NCKAP5: variants seen among roughly 807,000 people sequenced by gnomAD.
NCKAP5 encodes nck-associated protein 5.
NCKAP5 carries 92 observed loss-of-function variants against 167.0 expected under a neutral mutation model. The observed-to-expected ratio is 0.55, with a 90% CI of 0.47 to 0.66. The LOEUF (loss-of-function observed/expected upper bound fraction) is 0.66, where lower values mean the gene tolerates loss of function less well. NCKAP5 is among the 30% of genes least tolerant of loss of function. NCKAP5 has a pLI of 0.00. For synonymous variants in NCKAP5, 891 were observed against 877.4 expected (o/e 1.02, Z -0.27); for missense variants, 2,378 against 2,315.0 (o/e 1.03, Z -0.56).
intron 3 of NCKAP5, among the ~76,000 whole-genome samples, chr2:133,485,650 C>T (rs1337742846): frequency 6.6e-6 from 1 of 152,116 alleles, no homozygotes; most frequent in Non-Finnish European, 1.5e-5. Context: ...ACAAAATGAA[C>T]TATTAACTCA....
intron 6 of NCKAP5, among the ~76,000 whole-genome samples, chr2:133,119,267 G>A (rs1342994278): frequency 6.6e-6 from 1 of 152,170 alleles, no homozygotes; most frequent in Admixed American, 6.5e-5. Flanking sequence ...GCCTCCCAAA[G>A]TGCTGGGATT....
intron 3 of NCKAP5, among the ~76,000 whole-genome samples, chr2:133,337,836 C>A (rs1683315355): frequency 6.6e-6 from 1 of 152,198 alleles, no homozygotes; most frequent in Non-Finnish European, 1.5e-5. Context: ...AACAAATATG[C>A]TCATTATACC....
At chr2:132,962,593 T>G (rs967495348) in intron 8 of NCKAP5, among the ~76,000 whole-genome samples, 4 of 152,044 alleles carry the variant, frequency 2.6e-5, no homozygotes, top group South Asian at 4.2e-4. Flanking sequence ...CTTTTTGTTT[T>G]TTTGTTTGTT....
chr2:133,381,492 A>G (rs1686519792), intron 3 of NCKAP5: 1 of 152,260 alleles, frequency 6.6e-6, no homozygotes, highest in East Asian at 1.9e-4. Context: ...CCCTCTATCC[A>G]GAAATGTATT....
At chr2:132,862,770 AAAAAAAAACC>A (rs1690020344) in intron 10 of NCKAP5, among the ~76,000 whole-genome samples, 1 of 136,414 alleles carries the variant, frequency 7.3e-6, no homozygotes, top group Admixed American at 7.5e-5. Context: ...AGTCTCAAAA[AAAAAAAAACC>A]AAAAAAAAAC....
intron 19 of NCKAP5, among the ~76,000 whole-genome samples, chr2:132,684,570 C>CA (rs1269003299): frequency 6.6e-6 from 1 of 152,104 alleles, no homozygotes; most frequent in East Asian, 1.9e-4. Context: ...AATTTTATTG[C>CA]AAAAATAACC....
chr2:133,298,620 C>T (rs1031534799), intron 4 of NCKAP5, among the ~76,000 whole-genome samples: 2 of 152,086 alleles, frequency 1.3e-5, no homozygotes, highest in South Asian at 2.1e-4. Flanking sequence ...TATAATAATG[C>T]GTGTAAGATA....
chr2:132,770,261 G>T (rs1681912566), intron 16 of NCKAP5, among the ~76,000 whole-genome samples: 1 of 151,686 alleles, frequency 6.6e-6, no homozygotes, highest in Non-Finnish European at 1.5e-5. Context: ...GGCTTTTGAT[G>T]ACATTGTTGA....
chr2:132,775,408 T>C (rs1051873612), intron 15 of NCKAP5, among the ~76,000 whole-genome samples: 1 of 152,242 alleles, frequency 6.6e-6, no homozygotes, highest in Non-Finnish European at 1.5e-5. Flanking sequence ...TGTAAATGGC[T>C]AACTCAACAC....
intron 8 of NCKAP5, among the ~76,000 whole-genome samples, chr2:132,917,954 C>T (rs915031652): frequency 6.6e-6 from 1 of 152,168 alleles, no homozygotes; most frequent in East Asian, 1.9e-4. Flanking sequence ...TCATTGGCTG[C>T]AAGGGAACCA....
chr2:133,384,606 G>A (rs1189539624), intron 3 of NCKAP5, among the ~76,000 whole-genome samples: 34 of 152,314 alleles, frequency 2.2e-4, no homozygotes, highest in Middle Eastern at 6.8e-3. Flanking sequence ...GGCATTGGTA[G>A]CTTGATGGGG....
intron 11 of NCKAP5, among the ~76,000 whole-genome samples, chr2:132,842,072 G>A (rs1460757061): frequency 6.6e-6 from 1 of 151,970 alleles, no homozygotes; most frequent in Non-Finnish European, 1.5e-5. Flanking sequence ...CATTTTTTAG[G>A]ATTACATAAA....
chr2:133,577,481 T>G, the NCKAP5 span, among the ~76,000 whole-genome samples: 1 of 152,138 alleles, frequency 6.6e-6, no homozygotes, highest in East Asian at 1.9e-4. Flanking sequence ...TCTCAGCAGT[T>G]TGTTCTCTTT....
Position 132,887,651 on chromosome 2 carries a change from C to G in NCKAP5, c.580-8735G>C, listed in dbSNP as rs564594501. On this transcript the variant is annotated intron_variant, in intron 8 of 19. Transcript: ENST00000409261. ...GCTCTAGCATGGAATATGCTTTACA[C>G]TCCCATTGGCCAAATAGTGACTATT... Among the ~76,000 whole-genome samples the G allele has an allele frequency of 2.6e-5, 4 of 152,192 alleles. No individual in the cohort carries two copies. In the South Asian group the frequency reaches 6.2e-4, roughly 24 times the overall value.
intron 4 of NCKAP5, among the ~76,000 whole-genome samples, chr2:133,250,625 G>A (rs540658570): frequency 1.9e-4 from 29 of 152,166 alleles, no homozygotes; most frequent in Non-Finnish European, 3.5e-4. Flanking sequence ...AGGTTCTCTC[G>A]CAATTTTTAA....
intron 5 of NCKAP5, among the ~76,000 whole-genome samples, chr2:133,174,687 T>C (rs542697426): frequency 6.8e-6 from 1 of 147,732 alleles, no homozygotes; most frequent in South Asian, 2.2e-4. Context: ...CACAACAAAA[T>C]ATTCCAAGTA....
intron 4 of NCKAP5, among the ~76,000 whole-genome samples, chr2:133,237,701 T>C (rs1357345398): frequency 6.6e-6 from 1 of 152,230 alleles, no homozygotes; most frequent in East Asian, 1.9e-4. Context: ...CAGCAGAGGC[T>C]GCTGCTTTGA....
At chr2:132,932,656 A>G (rs2149062602) in intron 8 of NCKAP5, among the ~76,000 whole-genome samples, 1 of 152,298 alleles carries the variant, frequency 6.6e-6, no homozygotes, top group African/African-American at 2.4e-5. Flanking sequence ...GTCTGAGTCT[A>G]TGCCTAGAAG....
intron 4 of NCKAP5, among the ~76,000 whole-genome samples, chr2:133,227,882 G>A (rs371241900): frequency 1.4e-4 from 21 of 152,260 alleles, no homozygotes; most frequent in South Asian, 8.3e-4. Flanking sequence ...TATTGAATGC[G>A]GTATGGTATT....
Sources: gnomAD v4.1 joint callset for allele counts (sites outside exome capture counted in the v4.1 genomes callset) on GRCh38, gnomAD v4.1.1 for gene constraint, MANE v1.5 for transcripts, NCBI Gene and HGNC (gene_info 2026-07-23, HGNC 2026-07-21) for gene names.